GRID2: variants seen among roughly 807,000 people sequenced by gnomAD.
GRID2 encodes the protein glutamate ionotropic receptor delta type subunit 2.
In GRID2, 33 loss-of-function variants were observed where a neutral mutation model predicts 114.8. That is an observed-to-expected ratio of 0.29 (90% confidence interval 0.22 to 0.38). The LOEUF (loss-of-function observed/expected upper bound fraction) is 0.38. Ranked by LOEUF, GRID2 falls within the 10% of genes least tolerant of loss-of-function variation. The pLI is 1.00. For synonymous variants in GRID2, 505 were observed against 449.9 expected (o/e 1.12, Z -1.55); for missense variants, 1,184 against 1,257.7 (o/e 0.94, Z 0.89).
intron 7 of GRID2, among the ~76,000 whole-genome samples, chr4:93,230,151 TG>T (rs1463021751): frequency 6.7e-6 from 1 of 149,902 alleles, no homozygotes; most frequent in African/African-American, 2.4e-5. Flanking sequence ...TGTATGCGTG[TG>T]TGTGTGTGTG....
At chr4:92,690,084 T>C (rs945412011) in intron 2 of GRID2, among the ~76,000 whole-genome samples, 2 of 152,134 alleles carry the variant, frequency 1.3e-5, no homozygotes, top group African/African-American at 4.8e-5. Context: ...TTTTAAGCTT[T>C]TCCTTTGCAT....
At chr4:93,450,381 G>A (rs1330883071) in intron 10 of GRID2, among the ~76,000 whole-genome samples, 1 of 151,738 alleles carries the variant, frequency 6.6e-6, no homozygotes, top group Non-Finnish European at 1.5e-5. Context: ...AAAGCAACTG[G>A]ACTTGGTGTA....
intron 6 of GRID2, among the ~76,000 whole-genome samples, chr4:93,221,412 A>C (rs971709912): frequency 6.6e-6 from 1 of 152,090 alleles, no homozygotes; most frequent in Admixed American, 6.6e-5. Flanking sequence ...GGTGATGTCA[A>C]AGAATAAGTG....
At chr4:93,445,110 AAAGG>A (rs1294561287) in intron 10 of GRID2, among the ~76,000 whole-genome samples, 2 of 151,986 alleles carry the variant, frequency 1.3e-5, no homozygotes, top group Non-Finnish European at 2.9e-5. Flanking sequence ...AAATGTTCTT[AAAGG>A]AAGGATTTTT....
chr4:93,293,100 A>T (rs1360457540), intron 8 of GRID2, among the ~76,000 whole-genome samples: 1 of 152,190 alleles, frequency 6.6e-6, no homozygotes, highest in Admixed American at 6.5e-5. Context: ...AAACCCTTAG[A>T]GTGCTCTTAA....
chr4:92,380,230 T>C (rs998940480), intron 1 of GRID2, among the ~76,000 whole-genome samples: 2 of 151,796 alleles, frequency 1.3e-5, no homozygotes, highest in Admixed American at 6.6e-5. Flanking sequence ...TGTAATGATA[T>C]AATTGAAAGA....
intron 13 of GRID2, among the ~76,000 whole-genome samples, chr4:93,616,767 C>A (rs973399268): frequency 2.6e-5 from 4 of 151,316 alleles, no homozygotes; most frequent in Non-Finnish European, 5.9e-5. Flanking sequence ...TTAAAATATT[C>A]ATAAAAATCA....
chr4:93,152,711 T>C (rs1259245098), intron 4 of GRID2, among the ~76,000 whole-genome samples: 1 of 152,138 alleles, frequency 6.6e-6, no homozygotes. Context: ...TTCTGATAGA[T>C]GAACTGTTAC....
chr4:92,847,732 G>A (rs1275384465), intron 2 of GRID2, among the ~76,000 whole-genome samples: 4 of 151,904 alleles, frequency 2.6e-5, no homozygotes, highest in African/African-American at 4.8e-5. Flanking sequence ...CCCAAGGAAT[G>A]TTTATTTTAT....
intron 2 of GRID2, among the ~76,000 whole-genome samples, chr4:92,932,503 T>C (rs1044690981): frequency 6.6e-6 from 1 of 151,268 alleles, no homozygotes; most frequent in Non-Finnish European, 1.5e-5. Context: ...TACAACAATT[T>C]TAGAGAAGTG....
chr4:92,642,608 T>C (rs1340735204), intron 2 of GRID2, among the ~76,000 whole-genome samples: 1 of 151,774 alleles, frequency 6.6e-6, no homozygotes. Flanking sequence ...TATAGTCTTT[T>C]TGTTGTTGTT....
chr4:93,552,951 A>G (rs996119877), intron 13 of GRID2, among the ~76,000 whole-genome samples: 1 of 152,122 alleles, frequency 6.6e-6, no homozygotes, highest in East Asian at 1.9e-4. Flanking sequence ...TGTCCCTGCA[A>G]AGGACATGAA....
chr4:92,720,170 G>C (rs1735742029), intron 2 of GRID2, among the ~76,000 whole-genome samples: 1 of 151,740 alleles, frequency 6.6e-6, no homozygotes, highest in African/African-American at 2.4e-5. Context: ...TTAATTTTCA[G>C]CATTTTTTTT....
At chr4:93,618,522 G>T (rs894293179) in intron 13 of GRID2, among the ~76,000 whole-genome samples, 2 of 152,156 alleles carry the variant, frequency 1.3e-5, no homozygotes, top group Non-Finnish European at 2.9e-5. Flanking sequence ...AAGCAGCTAA[G>T]GGCTCTCCAG....
intron 2 of GRID2, among the ~76,000 whole-genome samples, chr4:92,961,221 T>C (rs1415959756): frequency 1.3e-5 from 2 of 151,872 alleles, no homozygotes; most frequent in Non-Finnish European, 1.5e-5. Context: ...ATTTGATAAA[T>C]TAAGAAAAAG....
chr4:92,529,028 C>T (rs1191104195), intron 1 of GRID2, among the ~76,000 whole-genome samples: 1 of 151,960 alleles, frequency 6.6e-6, no homozygotes, highest in South Asian at 2.1e-4. Context: ...ATAAAAACTC[C>T]ACAGTAGATG....
intron 2 of GRID2, among the ~76,000 whole-genome samples, chr4:92,687,752 C>T (rs1470468547): frequency 1.3e-5 from 2 of 151,868 alleles, no homozygotes; most frequent in East Asian, 2.0e-4. Context: ...TCACTTGAAC[C>T]CAGGAGGCGG....
intron 4 of GRID2, among the ~76,000 whole-genome samples, chr4:93,175,720 G>T (rs996226063): frequency 2.0e-5 from 3 of 152,180 alleles, no homozygotes; most frequent in African/African-American, 7.2e-5. Flanking sequence ...ATTCGAAATT[G>T]TAGATGTCAG....
chr4:93,411,602 T>C (rs1243888393), intron 9 of GRID2, among the ~76,000 whole-genome samples: 3 of 152,008 alleles, frequency 2.0e-5, no homozygotes, highest in Non-Finnish European at 4.4e-5. Flanking sequence ...ACCTGGCTAA[T>C]TTTTGTAGTT....
Sources: allele counts gnomAD v4.1 joint callset (sites outside exome capture counted in the v4.1 genomes callset), GRCh38; gene constraint gnomAD v4.1.1; transcripts MANE v1.5; gene names NCBI Gene and HGNC (gene_info 2026-07-23, HGNC 2026-07-21).